The following WASF2 variants were observed in gnomAD, a reference collection of about 807,000 sequenced individuals.
WASF2 encodes actin-binding protein WASF2.
In WASF2, 14 loss-of-function variants were observed where a neutral mutation model predicts 45.0. That is an observed-to-expected ratio of 0.31 (90% confidence interval 0.21 to 0.49). The LOEUF (loss-of-function observed/expected upper bound fraction) is 0.49, where lower values mean the gene tolerates loss of function less well. Ranked by LOEUF, WASF2 falls within the 20% of genes least tolerant of loss-of-function variation. WASF2 has a pLI of 0.99. For missense variants in WASF2, 439 were observed against 636.1 expected, an observed-to-expected ratio of 0.69 and a Z score of 3.33; for synonymous variants, 200 against 236.3, an observed-to-expected ratio of 0.85 and a Z score of 1.41.
chr1:27,452,226 A>G (rs1178510670), intron 1 of WASF2, among the ~76,000 whole-genome samples: 1 of 152,276 alleles, frequency 6.6e-6, no homozygotes, highest in African/African-American at 2.4e-5. Flanking sequence ...AAAATAGGCC[A>G]GACGCAGGCT....
chr1:27,472,596 T>TGCACTCCA (rs201591461), intron 1 of WASF2, among the ~76,000 whole-genome samples: 34 of 136,962 alleles, frequency 2.5e-4, no homozygotes, highest in South Asian at 1.8e-3. Context: ...ATTTCACGAC[T>TGCACTCCA]GCACTCCAGC....
chr1:27,432,914 C>T lies in WASF2; in HGVS notation c.-43-3981G>A, dbSNP rs867232729. 4.6e-5 allele frequency among the ~76,000 whole-genome samples: 7 copies of T among 152,120 alleles called. No individual in the cohort carries two copies. In the South Asian group the frequency reaches 1.5e-3, roughly 32 times the overall value. ...AAGTAGCCAGGACTACAGGCACATG[C>T]CACCATGCCTGGCTAATTTATTATC... On this transcript the variant is annotated intron_variant, in intron 1 of 8. Coordinates refer to ENST00000618852, the MANE Select transcript of WASF2 (RefSeq NM_006990.5).
At chr1:27,416,262 C>G (rs1254408396) in intron 4 of WASF2, among the ~76,000 whole-genome samples, 160 bp from the exon 5 acceptor site, 2 of 152,176 alleles carry the variant, frequency 1.3e-5, no homozygotes, top group East Asian at 3.8e-4. Context: ...CATTTCAATG[C>G]CCCCGAATGG....
chr1:27,408,847 G>A (rs927075605), intron 8 of WASF2, among the ~76,000 whole-genome samples: 8 of 151,920 alleles, frequency 5.3e-5, no homozygotes, highest in Non-Finnish European at 1.2e-4. Context: ...GGAGGGAAGA[G>A]GAGAAAAGAG....
At chr1:27,419,723 G>C (rs543437059) in intron 2 of WASF2, among the ~76,000 whole-genome samples, 1 of 152,124 alleles carries the variant, frequency 6.6e-6, no homozygotes, top group South Asian at 2.1e-4. Context: ...GACGTTCTAC[G>C]TATCTAAAAT....
chr1:27,486,648 G>GC (rs754388844), intron 1 of WASF2, among the ~76,000 whole-genome samples: 1 of 152,162 alleles, frequency 6.6e-6, no homozygotes, highest in Non-Finnish European at 1.5e-5. Flanking sequence ...ACTCAGCTGG[G>GC]CGTGGTGGCT....
chr1:27,416,954 G>A (rs1393842461), intron 4 of WASF2, among the ~76,000 whole-genome samples: 1 of 152,070 alleles, frequency 6.6e-6, no homozygotes, highest in Non-Finnish European at 1.5e-5. Flanking sequence ...AAAAAGAACT[G>A]GAAAGGCAAT....
rs530461777 is a variant in WASF2 at position 27,410,355 on chromosome 1, A to C, written c.825-149T>G. 2.1e-6 allele frequency: 3 copies of C among 1,404,162 alleles called. No homozygotes were observed. In the African/African-American group the frequency reaches 4.3e-5, roughly 20 times the overall value. 87.0% of individuals were successfully genotyped at this position (1,404,162 alleles called of 1,614,324 possible). A position where few individuals can be genotyped will look rare whatever the true frequency, so the allele number is the denominator to read the frequency against. Reference sequence around the variant, plus strand: ...CAGAAAGAAAAGCCTACAGATGGTCATAACAGACCAATAATGAAATAAGCA... The same window carrying C: ...CAGAAAGAAAAGCCTACAGATGGTCCTAACAGACCAATAATGAAATAAGCA... On this transcript the variant is annotated intron_variant, in intron 7 of 8. Transcript: ENST00000618852. This position sits in a 1 kb window ranked among gnomAD's most constrained non-coding sequence, Gnocchi z 4.2.
chr1:27,420,708 A>G (rs1383092714), intron 2 of WASF2, among the ~76,000 whole-genome samples: 1 of 151,754 alleles, frequency 6.6e-6, no homozygotes, highest in Non-Finnish European at 1.5e-5. Flanking sequence ...TTTTTAGTAG[A>G]GACGGGGTTT....
intron 1 of WASF2, among the ~76,000 whole-genome samples, chr1:27,477,585 T>C (rs1162708875): frequency 1.3e-5 from 2 of 150,834 alleles, no homozygotes; most frequent in South Asian, 2.1e-4. Context: ...ATTACTTTTG[T>C]AACTTCAAAG....
chr1:27,468,403 G>A (rs2017643622), intron 1 of WASF2, among the ~76,000 whole-genome samples: 1 of 151,674 alleles, frequency 6.6e-6, no homozygotes, highest in Non-Finnish European at 1.5e-5. Context: ...CACTTTGGGA[G>A]GCCGAGGCAG....
intron 6 of WASF2, among the ~76,000 whole-genome samples, chr1:27,413,127 G>A (rs2016785987): frequency 6.6e-6 from 1 of 152,154 alleles, no homozygotes; most frequent in Admixed American, 6.5e-5. Context: ...CTGCAAACAC[G>A]TGACTGGCAC....
chr1:27,442,418 C>A (rs2017249997), intron 1 of WASF2, among the ~76,000 whole-genome samples: 1 of 151,702 alleles, frequency 6.6e-6, no homozygotes, highest in African/African-American at 2.4e-5. Flanking sequence ...GTGGCACGTG[C>A]CTGTAGTCCC....
intron 4 of WASF2, among the ~76,000 whole-genome samples, chr1:27,416,661 C>T (rs2016829912): frequency 6.6e-6 from 1 of 152,258 alleles, no homozygotes; most frequent in Non-Finnish European, 1.5e-5. Context: ...CACCTTCTTG[C>T]TCCCTTCTAG....
chr1:27,419,299 T>C (rs923528187), intron 2 of WASF2, among the ~76,000 whole-genome samples: 2 of 152,226 alleles, frequency 1.3e-5, no homozygotes, highest in Non-Finnish European at 2.9e-5. Context: ...GTTCTATAAC[T>C]AATAGAGTCT....
chr1:27,427,011 T>C (rs1571129782), intron 2 of WASF2, among the ~76,000 whole-genome samples: 1 of 152,218 alleles, frequency 6.6e-6, no homozygotes, highest in South Asian at 2.1e-4. Flanking sequence ...AATTATTTAT[T>C]TCTGCCTCCC....
chr1:27,439,594 CCA>C (rs2017181297), intron 1 of WASF2, among the ~76,000 whole-genome samples: 1 of 152,082 alleles, frequency 6.6e-6, no homozygotes, highest in South Asian at 2.1e-4. Flanking sequence ...AGAGAGAAAA[CCA>C]CAGTTAAGTA....
chr1:27,468,897 TGGC>T (rs889686428), intron 1 of WASF2, among the ~76,000 whole-genome samples: 1 of 133,832 alleles, frequency 7.5e-6, no homozygotes, highest in African/African-American at 2.9e-5. Context: ...CACTCCAGCC[TGGC>T]AACAGAGTGG....
intron 4 of WASF2, among the ~76,000 whole-genome samples, chr1:27,416,572 T>C (rs1231113298): frequency 6.6e-6 from 1 of 152,224 alleles, no homozygotes; most frequent in Non-Finnish European, 1.5e-5. Flanking sequence ...TGTATGCATA[T>C]GTACACATAT....
Sources: allele counts gnomAD v4.1 joint callset (sites outside exome capture counted in the v4.1 genomes callset), GRCh38; gene constraint gnomAD v4.1.1; non-coding constraint Gnocchi (gnomAD v3.1); transcripts MANE v1.5; gene names NCBI Gene and HGNC (gene_info 2026-07-23, HGNC 2026-07-21).